The following SCAPER variants were observed in gnomAD, a reference collection of about 807,000 sequenced individuals.
The protein encoded by SCAPER is S-phase cyclin A associated protein in the ER.
Under a neutral mutation model 182.2 loss-of-function variants are expected in SCAPER, and 98 were observed. The ratio of observed to expected loss-of-function variants is 0.54; its 90% CI spans 0.46 to 0.64. The LOEUF is 0.64. SCAPER is among the 30% of genes least tolerant of loss of function. The pLI is 0.00. For synonymous variants in SCAPER, 605 were observed against 564.6 expected (o/e 1.07, Z -1.01); for missense variants, 1,432 against 1,690.0 (o/e 0.85, Z 2.68).
chr15:76,574,365 A>G, intron 22 of SCAPER, 81 bp from the exon 23 acceptor site: 1 of 1,462,194 alleles, frequency 6.8e-7, no homozygotes, highest in Admixed American at 2.1e-5. Context: ...TTGAAACACA[A>G]GTTACTTTCA....
chr15:76,802,862 A>C (rs1351370244), intron 6 of SCAPER, among the ~76,000 whole-genome samples: 1 of 152,190 alleles, frequency 6.6e-6, no homozygotes, highest in East Asian at 1.9e-4. Flanking sequence ...ACCAGAGTTT[A>C]GGAATTACTT....
rs536749400 is a variant in SCAPER at position 76,818,966 on chromosome 15, C to T, written c.394-14333G>A. ...CCCGCACATGGCTCGGAGGGTCCTACGCCCACGGAGCCTCCCTCATTGCTA... is the reference window on the plus strand; with the variant it reads ...CCCGCACATGGCTCGGAGGGTCCTATGCCCACGGAGCCTCCCTCATTGCTA... On this transcript the variant is annotated intron_variant, in intron 5 of 31. Transcript: ENST00000563290. Among the ~76,000 whole-genome samples the T allele has an allele frequency of 8.5e-5, 13 of 152,344 alleles. No homozygotes were observed. In the South Asian group the frequency reaches 2.1e-3, roughly 24 times the overall value.
At chr15:76,628,091 T>C (rs761576274) in intron 21 of SCAPER, among the ~76,000 whole-genome samples, 16 of 152,230 alleles carry the variant, frequency 1.1e-4, no homozygotes, top group Non-Finnish European at 2.1e-4. Flanking sequence ...ATGTCTTCTT[T>C]TGAGAAGTGT....
chr15:76,797,693 C>G (rs1304075739), intron 7 of SCAPER: 1 of 152,148 alleles, frequency 6.6e-6, no homozygotes, highest in African/African-American at 2.4e-5. Flanking sequence ...AAACCTCTGT[C>G]AAATCGTTAG....
intron 29 of SCAPER, 36 bp downstream of exon 29, chr15:76,376,126 G>C (rs2042547738): frequency 1.2e-6 from 2 of 1,609,826 alleles, no homozygotes; most frequent in Non-Finnish European, 8.5e-7. Flanking sequence ...CTCAGCACTG[G>C]GGGAGCAGTC....
chr15:76,831,975 C>T (rs953027734), intron 5 of SCAPER, among the ~76,000 whole-genome samples: 2 of 152,134 alleles, frequency 1.3e-5, no homozygotes, highest in African/African-American at 4.8e-5. Context: ...AATATAAGAG[C>T]AAAAGTCTCT....
intron 23 of SCAPER, among the ~76,000 whole-genome samples, chr15:76,566,780 A>C (rs2047064968): frequency 6.6e-6 from 1 of 152,104 alleles, no homozygotes; most frequent in South Asian, 2.1e-4. Context: ...TTCAATAAAA[A>C]ATTTCTTTTA....
At chr15:76,643,321 A>G (rs1034583545) in intron 21 of SCAPER, among the ~76,000 whole-genome samples, 5 of 152,200 alleles carry the variant, frequency 3.3e-5, no homozygotes, top group Non-Finnish European at 7.4e-5. Flanking sequence ...ACTACTGTTC[A>G]ACGACTGTTG....
intron 8 of SCAPER, among the ~76,000 whole-genome samples, chr15:76,792,951 T>TA (rs2065093968): frequency 6.6e-6 from 1 of 152,258 alleles, no homozygotes; most frequent in Non-Finnish European, 1.5e-5. Flanking sequence ...CTCCTCTTTT[T>TA]AGCACAGGAT....
At chr15:76,624,373 A>G (rs558542535) in intron 21 of SCAPER, among the ~76,000 whole-genome samples, 1 of 152,342 alleles carries the variant, frequency 6.6e-6, no homozygotes, top group African/African-American at 2.4e-5. Flanking sequence ...AAGGAGGACT[A>G]CAAAACATTA....
chr15:76,382,762 C>G (rs2043034239), intron 27 of SCAPER, among the ~76,000 whole-genome samples: 1 of 152,066 alleles, frequency 6.6e-6, no homozygotes, highest in South Asian at 2.1e-4. Flanking sequence ...ACAATCAGAG[C>G]TAATGGGGTA....
chr15:76,660,343 C>G (rs956775553), intron 21 of SCAPER, among the ~76,000 whole-genome samples: 5 of 152,104 alleles, frequency 3.3e-5, no homozygotes, highest in African/African-American at 1.2e-4. Context: ...CTGTGACATG[C>G]AATTAACCTA....
At chr15:76,781,727 C>T (rs945681987) in intron 8 of SCAPER, among the ~76,000 whole-genome samples, 3 of 152,092 alleles carry the variant, frequency 2.0e-5, no homozygotes, top group Non-Finnish European at 2.9e-5. Context: ...ACAGTGGGGG[C>T]CAATATTCAA....
intron 3 of SCAPER, chr15:76,862,007 T>C (rs1249925966): frequency 6.5e-6 from 1 of 152,940 alleles, no homozygotes; most frequent in African/African-American, 2.4e-5. Flanking sequence ...TCACTCACTG[T>C]CACGAGAACA....
chr15:76,890,904 A>G (rs1225019107), intron 1 of SCAPER, among the ~76,000 whole-genome samples: 1 of 152,226 alleles, frequency 6.6e-6, no homozygotes, highest in African/African-American at 2.4e-5. Flanking sequence ...ATGAACATTG[A>G]TGCAAAAATC....
rs1342765696 is a variant in SCAPER, at chr15:76,348,626, A to G, written c.*7T>C. ...AGGGTACTCAAATACAGAATCAACC[A>G]AAACATTTATTTTTTCTCTTTTTTC... On this transcript the variant is annotated 3_prime_UTR_variant, in exon 32 of 32. Transcript: ENST00000563290. 1.3e-6 allele frequency: 2 copies of G among 1,522,674 alleles called. No homozygotes were observed. The highest frequency in any genetic ancestry group is 1.8e-6 in the Non-Finnish European group (2 of 1,130,178). 94.3% of individuals were successfully genotyped at this position (1,522,674 alleles called of 1,614,324 possible).
intron 5 of SCAPER, among the ~76,000 whole-genome samples, chr15:76,828,354 A>G (rs1018265574): frequency 6.6e-6 from 1 of 151,984 alleles, no homozygotes; most frequent in African/African-American, 2.4e-5. Flanking sequence ...TGGTAATTAC[A>G]GTCTCAAGTT....
At chr15:76,428,411 A>T (rs923074572) in intron 26 of SCAPER, among the ~76,000 whole-genome samples, 6 of 152,202 alleles carry the variant, frequency 3.9e-5, no homozygotes, top group African/African-American at 1.4e-4. Flanking sequence ...ATGGAATACT[A>T]TTTAGCCATA....
intron 16 of SCAPER, among the ~76,000 whole-genome samples, chr15:76,730,484 T>C (rs12910820): frequency 0.32 from 49,021 of 151,696 alleles, 8,208 homozygotes; most frequent in East Asian, 0.55. Flanking sequence ...TAATCAAGAA[T>C]AATATGTGGA....
Sources: gnomAD v4.1 joint callset for allele counts (sites outside exome capture counted in the v4.1 genomes callset) on GRCh38, gnomAD v4.1.1 for gene constraint, MANE v1.5 for transcripts, NCBI Gene and HGNC (gene_info 2026-07-23, HGNC 2026-07-21) for gene names.